The following PILRA variants were observed in gnomAD, a reference collection of about 807,000 sequenced individuals.
PILRA encodes the protein paired immunoglobin like type 2 receptor alpha, also known as paired immunoglobulin-like type 2 receptor alpha.
PILRA carries 37 observed loss-of-function variants against 33.1 expected under a neutral mutation model. That is an observed-to-expected ratio of 1.12 (90% CI 0.86 to 1.47). PILRA has a LOEUF of 1.47. Ranked by LOEUF, PILRA falls within the 40% of genes most tolerant of loss-of-function variation. The probability of loss-of-function intolerance (pLI) is 0.00; values close to 1 mark genes in which losing one functional copy is unlikely to be tolerated. For missense variants in PILRA, 312 were observed against 376.2 expected, an observed-to-expected ratio of 0.83 and a Z score of 1.41; for synonymous variants, 146 against 149.9, an observed-to-expected ratio of 0.97 and a Z score of 0.19.
intron 3 of PILRA, among the ~76,000 whole-genome samples, chr7:100,393,083 C>A (rs536438222): frequency 1.3e-5 from 2 of 152,174 alleles, no homozygotes; most frequent in East Asian, 1.9e-4. Context: ...AGTTCAAGAC[C>A]AGCCTGGTCA....
intron 2 of PILRA, among the ~76,000 whole-genome samples, chr7:100,388,571 A>G (rs1403619953): frequency 6.6e-6 from 1 of 151,120 alleles, no homozygotes; most frequent in East Asian, 1.9e-4. Context: ...CGTTTCTACT[A>G]AAAAAAGAAA....
At chr7:100,379,770 A>G (rs756873685) in intron 2 of PILRA, among the ~76,000 whole-genome samples, 6 of 152,158 alleles carry the variant, frequency 3.9e-5, no homozygotes, top group Non-Finnish European at 7.3e-5. Context: ...CTAAAATGAT[A>G]GCAAAGGGAA....
In PILRA at chr7:100,395,640, C is replaced by A. The variant is rs139277812; in HGVS notation, c.674-2239C>A. On this transcript the variant is annotated intron_variant, in intron 3 of 6. Coordinates refer to ENST00000198536, the MANE Select transcript of PILRA (RefSeq NM_013439.3). ...AAGCAGATGAAAATGGCCAACTAAT[C>A]ATCAGAGAAATGCAAATCAGAACTA... Among the ~76,000 whole-genome samples, 23 of 152,148 alleles carry A rather than the reference C, an allele frequency of 1.5e-4. No individual in the cohort carries two copies. The East Asian group carries it at 4.2e-3, about 28-fold the overall frequency.
chr7:100,375,870 G>A (rs139414229), intron 2 of PILRA, among the ~76,000 whole-genome samples: 1 of 152,368 alleles, frequency 6.6e-6, no homozygotes, highest in Non-Finnish European at 1.5e-5. Flanking sequence ...TGAACCTAGT[G>A]ATGGGATGTG....
At chr7:100,389,802 C>T in intron 2 of PILRA, 86 bp from the exon 3 acceptor site, 1 of 1,138,404 alleles carries the variant, frequency 8.8e-7, no homozygotes, top group Non-Finnish European at 1.3e-6. Context: ...TAATGTCCCC[C>T]AACCTAGAAA....
upstream of PILRA, chr7:100,373,388 G>A (rs371730951): frequency 2.6e-4 from 149 of 575,072 alleles, no homozygotes; most frequent in East Asian, 1.9e-3. Flanking sequence ...GGAGGACGGG[G>A]ACCGCGGCCT....
intron 3 of PILRA, among the ~76,000 whole-genome samples, chr7:100,390,404 G>C (rs1791366204): frequency 6.6e-6 from 1 of 152,182 alleles, no homozygotes; most frequent in African/African-American, 2.4e-5. Flanking sequence ...GGAGAGGGGA[G>C]GGTCTGCCCT....
chr7:100,396,982 TTTTTG>T (rs1333152053), intron 3 of PILRA, among the ~76,000 whole-genome samples: 1 of 151,828 alleles, frequency 6.6e-6, no homozygotes, highest in Non-Finnish European at 1.5e-5. Context: ...TTTGTTTGTT[TTTTTG>T]TTTTTTTTTT....
chr7:100,394,655 G>A (rs1400183929), intron 3 of PILRA, among the ~76,000 whole-genome samples: 1 of 148,490 alleles, frequency 6.7e-6, no homozygotes, highest in African/African-American at 2.5e-5. Flanking sequence ...ATATACCAAC[G>A]GAATAGAATA....
In PILRA at chr7:100,399,898, A is replaced by C; in HGVS notation, c.903A>C (p.Leu301Phe). ...AGAACGAGACCCTGTACTCTGTCTT[A>C]AAGGCCTAACCAATGGACAGCCCTC... ...SPQNETLYSV[L>F]KA is the part of the protein sequence containing the mutation. The change falls in exon 7 of 7, where the codon TTA becomes TTC. Residue 301 changes from leucine to phenylalanine, a missense_variant. Coordinates refer to ENST00000198536, the MANE Select transcript of PILRA (RefSeq NM_013439.3). 1 of 1,608,360 alleles carries C rather than the reference A, an allele frequency of 6.2e-7. No individual in the cohort carries two copies. Among genetic ancestry groups the C allele is most frequent in the Non-Finnish European group, 8.5e-7 (1 of 1,177,342 alleles).
At position 100,399,431 on chromosome 7, in the gene PILRA, G is replaced by A. The variant is rs571482138; in HGVS notation, c.757+91G>A. The A allele has an allele frequency of 8.0e-5, 112 of 1,393,748 alleles. No homozygotes were observed. The African/African-American group carries it at 1.3e-3, about 17-fold the overall frequency. The allele number at this position is 1,393,748 out of a possible 1,614,324, so 86.3% of individuals were successfully genotyped here. ...CCTACCTGGGTCCGTGCCCCTGTCA[G>A]TATTTTCTTCTTTCCATTCCTTGCC... On this transcript the variant is annotated intron_variant, in intron 5 of 6. Transcript: ENST00000198536.
rs143275820 is a variant in PILRA, at chr7:100,385,318, T to G, written c.455-4570T>G. Among the ~76,000 whole-genome samples, 161 of 152,340 alleles carry G rather than the reference T, an allele frequency of 1.1e-3. 1 individual carries two copies. In the East Asian group the frequency reaches 0.03, roughly 28 times the overall value. ...TGTGCCGATTGTATCTTGTACTTGATGCGATTGTATCTTGTACTTGTACTT... is the reference window on the plus strand; with the variant it reads ...TGTGCCGATTGTATCTTGTACTTGAGGCGATTGTATCTTGTACTTGTACTT... On this transcript the variant is annotated intron_variant, in intron 2 of 6. Coordinates refer to ENST00000198536, the MANE Select transcript of PILRA (RefSeq NM_013439.3).
intron 3 of PILRA, among the ~76,000 whole-genome samples, chr7:100,396,440 G>A (rs1156981806): frequency 2.0e-5 from 3 of 152,188 alleles, no homozygotes; most frequent in Non-Finnish European, 4.4e-5. Flanking sequence ...ATCACCTGAG[G>A]TCAGGAGTTC....
intron 2 of PILRA, among the ~76,000 whole-genome samples, chr7:100,382,001 A>ACCCCCC (rs1181591005): frequency 6.1e-5 from 6 of 97,656 alleles, no homozygotes; most frequent in African/African-American, 1.6e-4. Flanking sequence ...CTCAGTCCCC[A>ACCCCCC]CCCCCACCCC....
chr7:100,371,981 G>C (rs1563113164), upstream of PILRA, among the ~76,000 whole-genome samples: 1 of 152,194 alleles, frequency 6.6e-6, no homozygotes, highest in Non-Finnish European at 1.5e-5. Flanking sequence ...GAGGCTGTTG[G>C]CTATAAGTTC....
At chr7:100,371,972 A>G (rs1217580862), upstream of PILRA, among the ~76,000 whole-genome samples, 2 of 152,188 alleles carry the variant, frequency 1.3e-5, no homozygotes, top group Non-Finnish European at 2.9e-5. Context: ...AGCTACCCAG[A>G]GGCTGTTGGC....
chr7:100,398,461 TCTTTC>T (rs1051703078), intron 4 of PILRA, among the ~76,000 whole-genome samples: 5 of 152,074 alleles, frequency 3.3e-5, no homozygotes, highest in Non-Finnish European at 7.4e-5. Flanking sequence ...CTCCCACCTC[TCTTTC>T]CTTTCCTCTG....
chr7:100,395,622 T>C (rs766933713), intron 3 of PILRA, among the ~76,000 whole-genome samples: 2 of 151,972 alleles, frequency 1.3e-5, no homozygotes, highest in Non-Finnish European at 2.9e-5. Flanking sequence ...AACAAGCAGA[T>C]GAAAATGGCC....
chr7:100,382,338 A>G (rs972901126), intron 2 of PILRA, among the ~76,000 whole-genome samples: 2 of 152,094 alleles, frequency 1.3e-5, no homozygotes, highest in Non-Finnish European at 2.9e-5. Flanking sequence ...ATATGCACCA[A>G]TTGGCACTCT....
Sources: allele counts gnomAD v4.1 joint callset (sites outside exome capture counted in the v4.1 genomes callset), GRCh38; gene constraint gnomAD v4.1.1; transcripts MANE v1.5; gene names NCBI Gene and HGNC (gene_info 2026-07-23, HGNC 2026-07-21).